Variants in EXD2 observed in about 807,000 individuals in gnomAD.
The protein encoded by EXD2 is exonuclease 3'-5' domain-containing protein 2.
EXD2 carries 40 observed loss-of-function variants against 62.5 expected under a neutral mutation model. That is an observed-to-expected ratio of 0.64 (90% confidence interval 0.50 to 0.83). The LOEUF (loss-of-function observed/expected upper bound fraction) is 0.83, where lower values mean the gene tolerates loss of function less well. Ranked by LOEUF, EXD2 falls within the 40% of genes least tolerant of loss-of-function variation. EXD2 has a pLI of 0.00. For missense variants in EXD2, 671 were observed against 761.8 expected (o/e 0.88, Z 1.40); for synonymous variants, 239 against 291.9 (o/e 0.82, Z 1.85).
intron 3 of EXD2, among the ~76,000 whole-genome samples, chr14:69,213,084 C>CTTTTTTTTT (rs71102636): frequency 1.6e-5 from 2 of 126,588 alleles, no homozygotes; most frequent in Admixed American, 8.7e-5. Context: ...TTCTTCTTTT[C>CTTTTTTTTT]TTTTTTTTTT....
At position 69,241,223 on chromosome 14, in the gene EXD2, CTAGACTAA is replaced by C. The variant is rs1211508333; in HGVS notation, c.*125_*132del. 1.2e-5 allele frequency: 9 copies of C among 725,826 alleles called. No homozygotes were observed. In the Admixed American group the frequency reaches 2.5e-4, roughly 20 times the overall value. The allele number at this position is 725,826 out of a possible 1,614,324, so 45.0% of individuals were successfully genotyped here. A position where few individuals can be genotyped will look rare whatever the true frequency, so the allele number is the denominator to read the frequency against. ...GTGTGACACAACTCAGAATACTAACCTAGACTAATCCCAGGATGCTTCTGCTGGAGCAA... is the reference window on the plus strand; with the variant it reads ...GTGTGACACAACTCAGAATACTAACCTCCCAGGATGCTTCTGCTGGAGCAA... On this transcript the variant is annotated 3_prime_UTR_variant, in exon 10 of 10. Coordinates refer to ENST00000685843, the MANE Select transcript of EXD2 (RefSeq NM_001193360.2).
At chr14:69,206,668 G>A (rs1188055981) in intron 2 of EXD2, among the ~76,000 whole-genome samples, 1 of 151,630 alleles carries the variant, frequency 6.6e-6, no homozygotes, top group Non-Finnish European at 1.5e-5. Flanking sequence ...TTTTGGTGTA[G>A]ATGGGGTTTC....
Position 69,242,334 on chromosome 14 carries a change from A to G in EXD2, c.*1234A>G, listed in dbSNP as rs148155479. 51 of 284,218 alleles carry G rather than the reference A, an allele frequency of 1.8e-4. No homozygotes were observed. In the East Asian group the frequency reaches 2.9e-3, roughly 16 times the overall value. 17.6% of individuals were successfully genotyped at this position (284,218 alleles called of 1,614,324 possible). ...GTTGGTGATGTTTACTCTAAAATTA[A>G]TAATAAAACTACTTGTAAGCACAAG... On this transcript the variant is annotated 3_prime_UTR_variant, in exon 10 of 10. Coordinates refer to ENST00000685843, the MANE Select transcript of EXD2 (RefSeq NM_001193360.2).
chr14:69,235,597 C>G, intron 6 of EXD2: 1 of 258,518 alleles, frequency 3.9e-6, no homozygotes. Flanking sequence ...AGCAAAGTGC[C>G]TTTAGGAATT....
intron 1 of EXD2, among the ~76,000 whole-genome samples, chr14:69,194,982 G>T (rs1594712868): frequency 6.6e-6 from 1 of 152,294 alleles, no homozygotes. Context: ...ACTTTGGGTG[G>T]TTGAGACGGG....
At chr14:69,196,959 A>C (rs1262400478) in intron 1 of EXD2, among the ~76,000 whole-genome samples, 3 of 152,056 alleles carry the variant, frequency 2.0e-5, no homozygotes, top group African/African-American at 7.2e-5. Flanking sequence ...ACTTGGTGTA[A>C]AGTGGTATCT....
rs751161639 is a variant in EXD2 at position 69,230,599 on chromosome 14, G to A, written c.717+1G>A. On this transcript the variant is annotated splice_donor_variant, in intron 5 of 9. Transcript: ENST00000685843. LOFTEE classifies it high-confidence loss of function. Reference sequence around the variant, plus strand: ...TGCTGAGACTCTCACAGAGGACCAGGTACTTCTTATCAGAGTAGTTGAAGA... The same window carrying A: ...TGCTGAGACTCTCACAGAGGACCAGATACTTCTTATCAGAGTAGTTGAAGA... 6.2e-7 allele frequency: 1 copy of A among 1,605,628 alleles called. No individual in the cohort carries two copies. The highest frequency in any genetic ancestry group is 8.5e-7 in the Non-Finnish European group (1 of 1,177,544).
rs768098924 is a variant in EXD2, at chr14:69,237,697, A to G, written c.1415A>G (p.His472Arg). The G allele has an allele frequency of 6.2e-6, 10 of 1,614,092 alleles. No homozygotes were observed. Among genetic ancestry groups the G allele is most frequent in the Non-Finnish European group, 7.6e-6 (9 of 1,180,024 alleles). ...GCCATTTCCAACTACTATGACAACC[A>G]TCTGAAGCAGCAGCTGGCCAAGGAG... ...CHAISNYYDN[H>R]LKQQLAKEFQ... Residue 472 changes from histidine to arginine, a missense_variant, in exon 9 of 10, where the codon CAT becomes CGT. Physicochemically the swap from His to Arg is conservative, Grantham distance 29 (BLOSUM62 0). Coordinates refer to ENST00000685843, the MANE Select transcript of EXD2 (RefSeq NM_001193360.2).
chr14:69,234,875 G>A lies in EXD2; in HGVS notation c.893G>A (p.Ser298Asn), dbSNP rs763324106. The A allele has an allele frequency of 1.9e-6, 3 of 1,614,222 alleles. No homozygotes were observed. The highest frequency in any genetic ancestry group is 2.5e-6 in the Non-Finnish European group (3 of 1,180,038). Residue 298 changes from serine (S) to asparagine (N), a missense_variant, in exon 6 of 10, where the codon AGC becomes AAC. Physicochemically the swap from Ser to Asn is conservative, Grantham distance 46. Coordinates refer to ENST00000685843, the MANE Select transcript of EXD2 (RefSeq NM_001193360.2). The stretch of plus-strand genomic sequence containing the variant: ...ATCCCATTTCGAAGCAAAGGAATGA[G>A]CAGATTGGGAGAAGAGGTTAATGGG... The part of the protein sequence containing the change: ...VDIPFRSKGM[S>N]RLGEEVNGEA...
intron 3 of EXD2, among the ~76,000 whole-genome samples, chr14:69,227,402 T>G (rs1048021237): frequency 2.0e-5 from 3 of 152,214 alleles, no homozygotes; most frequent in African/African-American, 7.2e-5. Flanking sequence ...TGAGAAGGAT[T>G]AGAATTTATT....
intron 4 of EXD2, among the ~76,000 whole-genome samples, chr14:69,229,559 C>T (rs2043495144): frequency 6.6e-6 from 1 of 152,194 alleles, no homozygotes; most frequent in Non-Finnish European, 1.5e-5. Flanking sequence ...GTCCCCACCA[C>T]TCCCATTGTA....
intron 3 of EXD2, among the ~76,000 whole-genome samples, chr14:69,226,315 A>C (rs2043359784): frequency 6.6e-6 from 1 of 152,210 alleles, no homozygotes; most frequent in African/African-American, 2.4e-5. Context: ...GAGCCTCAAG[A>C]AATAGACAAT....
chr14:69,200,747 A>C (rs2042369902), intron 1 of EXD2, among the ~76,000 whole-genome samples: 1 of 149,910 alleles, frequency 6.7e-6, no homozygotes, highest in Non-Finnish European at 1.5e-5. Context: ...GTTATGTTAT[A>C]TATATTTTAC....
At chr14:69,224,648 G>A (rs1270754050) in intron 3 of EXD2, among the ~76,000 whole-genome samples, 1 of 152,066 alleles carries the variant, frequency 6.6e-6, no homozygotes, top group Non-Finnish European at 1.5e-5. Flanking sequence ...AAATTAGATT[G>A]TGTCAGTCCT....
chr14:69,228,918 A>T lies in EXD2; in HGVS notation c.436A>T (p.Lys146Ter), dbSNP rs1423007928. 6.2e-7 allele frequency: 1 copy of T among 1,614,182 alleles called. No individual in the cohort carries two copies. The highest frequency in any genetic ancestry group is 8.5e-7 in the Non-Finnish European group (1 of 1,180,020). The change falls in exon 4 of 10, where the codon AAA (lysine) becomes TAA (stop). Residue 146 changes from lysine (K) to a stop codon, truncating the protein, a stop_gained. Transcript: ENST00000685843. LOFTEE classifies it high-confidence loss of function. ...VRLPKLICGG[K>*]TLPRTLLDIL... is the part of the protein sequence containing the mutation. The stretch of plus-strand genomic sequence containing the variant: ...CCTGCCCAAGCTAATCTGTGGAGGA[A>T]AAACACTACCAAGAACGTTATTGGA...
chr14:69,234,568 T>G (rs1421191852), intron 5 of EXD2, 132 bp from the exon 6 acceptor site: 1 of 708,144 alleles, frequency 1.4e-6, no homozygotes, highest in East Asian at 2.7e-5. Context: ...TTTAAGGAAG[T>G]GTATGGTGCC....
rs747438242 is a variant in EXD2 at position 69,231,909 on chromosome 14, T to TAA, written c.717+1337_717+1338dup. ...TTCTTGAGAAAGGGAGCATGAGCAG[T>TAA]AAAAAAAAAAAAAAAAAAAAAAAAA... On this transcript the variant is annotated intron_variant, in intron 5 of 9. Transcript: ENST00000685843. Among the ~76,000 whole-genome samples the TAA allele has an allele frequency of 1.3e-3, 77 of 60,612 alleles. 2 individuals carry two copies. Among genetic ancestry groups the TAA allele is most frequent in the South Asian group, 3.2e-3 (5 of 1,548 alleles). The allele number at this position is 60,612 out of a possible 152,430, so 39.8% of individuals were successfully genotyped here.
Position 69,206,480 on chromosome 14 carries a change from T to C in EXD2, c.-48+2480T>C, listed in dbSNP as rs1239839951. 2.0e-4 allele frequency among the ~76,000 whole-genome samples: 18 copies of C among 91,552 alleles called. 1 individual carries two copies. The highest frequency in any genetic ancestry group is 4.8e-3 in the Middle Eastern group (1 of 210). The allele number at this position is 91,552 out of a possible 152,430, so 60.1% of individuals were successfully genotyped here. A position where few individuals can be genotyped will look rare whatever the true frequency, so the allele number is the denominator to read the frequency against. ...CTTTTTTTTTTTTTTTTTTTTTTTT[T>C]TTTTTTGAGATAGGGTCTCACTCTC... On this transcript the variant is annotated intron_variant, in intron 2 of 9. Transcript: ENST00000685843.
chr14:69,206,491 T>C (rs1396383190), intron 2 of EXD2, among the ~76,000 whole-genome samples: 6 of 118,284 alleles, frequency 5.1e-5, no homozygotes, highest in African/African-American at 1.5e-4. Context: ...TTTTTTGAGA[T>C]AGGGTCTCAC....
Sources: allele counts gnomAD v4.1 joint callset (sites outside exome capture counted in the v4.1 genomes callset), GRCh38; gene constraint gnomAD v4.1.1; transcripts MANE v1.5; gene names NCBI Gene and HGNC (gene_info 2026-07-23, HGNC 2026-07-21).